Variants in COX7A2 observed in about 807,000 individuals in gnomAD.
COX7A2 encodes the protein cytochrome c oxidase subunit 7A2.
A neutral mutation model predicts 11.6 loss-of-function variants in COX7A2; 11 were observed. That is an observed-to-expected ratio of 0.95 (90% CI 0.60 to 1.57). The LOEUF (loss-of-function observed/expected upper bound fraction) is 1.57. Ranked by LOEUF, COX7A2 falls within the 40% of genes most tolerant of loss-of-function variation. The pLI, the probability that COX7A2 is intolerant of heterozygous loss-of-function variation, is 0.00. For missense variants in COX7A2, 106 were observed against 100.9 expected (o/e 1.05, Z -0.22); for synonymous variants, 30 against 38.2 (o/e 0.78, Z 0.79).
At chr6:75,245,490 C>CAAAAAA (rs11446150), upstream of COX7A2, among the ~76,000 whole-genome samples, 1 of 132,578 alleles carries the variant, frequency 7.5e-6, no homozygotes, top group Non-Finnish European at 1.6e-5. Context: ...GACTTCATAT[C>CAAAAAA]AAAAAAAAAA....
At chr6:75,243,178 AG>A (rs1383169140) in intron 1 of COX7A2, among the ~76,000 whole-genome samples, 1 of 152,162 alleles carries the variant, frequency 6.6e-6, no homozygotes, top group Non-Finnish European at 1.5e-5. Context: ...AAGTCGATGG[AG>A]GGGTGAAGGA....
intron 1 of COX7A2, among the ~76,000 whole-genome samples, chr6:75,249,028 C>T (rs888571279): frequency 6.6e-6 from 1 of 152,086 alleles, no homozygotes; most frequent in South Asian, 2.1e-4. Context: ...GAGGCCGAGG[C>T]GGGCAGATCA....
chr6:75,241,845 G>C (rs1240149291), intron 1 of COX7A2: 2 of 153,562 alleles, frequency 1.3e-5, no homozygotes, highest in African/African-American at 4.8e-5. Context: ...TACTTGGGAG[G>C]CTGAGGCAGG....
At chr6:75,248,667 C>G (rs1275386860), upstream of COX7A2, among the ~76,000 whole-genome samples, 1 of 152,076 alleles carries the variant, frequency 6.6e-6, no homozygotes, top group African/African-American at 2.4e-5. Context: ...ATATTTGGCT[C>G]AGAATAAATC....
At chr6:75,248,651 T>C (rs2149515067), upstream of COX7A2, among the ~76,000 whole-genome samples, 1 of 152,358 alleles carries the variant, frequency 6.6e-6, no homozygotes, top group Admixed American at 6.5e-5. Flanking sequence ...GAGGGCTGTG[T>C]CACTCATATT....
chr6:75,241,655 T>C (rs916841320), intron 1 of COX7A2, among the ~76,000 whole-genome samples: 1 of 152,064 alleles, frequency 6.6e-6, no homozygotes, highest in Non-Finnish European at 1.5e-5. Context: ...TGCCATATCA[T>C]CAAAAACCTG....
intron 3 of COX7A2, among the ~76,000 whole-genome samples, chr6:75,239,695 G>A (rs1042455249): frequency 3.3e-5 from 5 of 152,174 alleles, no homozygotes; most frequent in Non-Finnish European, 5.9e-5. Context: ...TGTAAGAGGT[G>A]GGATATAATG....
At position 75,249,235 on chromosome 6, in the gene COX7A2, C is replaced by CA. The variant is rs1428672702; in HGVS notation, c.-44+820dup. On this transcript the variant is annotated intron_variant, in intron 1 of 4. Transcript: ENST00000370081. ...CTGGTGACAGAGTGAGACTCCGTCT[C>CA]AAAAAACAAAAGACAATTTTGGCAA... Among the ~76,000 whole-genome samples the CA allele has an allele frequency of 5.3e-5, 8 of 152,176 alleles. No individual in the cohort carries two copies. In the South Asian group the frequency reaches 1.5e-3, roughly 28 times the overall value.
At chr6:75,241,015 A>C in intron 2 of COX7A2, 161 bp downstream of exon 2, 1 of 846,182 alleles carries the variant, frequency 1.2e-6, no homozygotes, top group South Asian at 3.4e-5. Flanking sequence ...TCTTTCCCCA[A>C]GAGACAACCA....
At chr6:75,244,068 G>T, upstream of COX7A2, 1 of 375,524 alleles carries the variant, frequency 2.7e-6, no homozygotes, top group Non-Finnish European at 5.0e-6. Flanking sequence ...GTCAATGTGA[G>T]ACCAGGCTAT....
intron 3 of COX7A2, among the ~76,000 whole-genome samples, chr6:75,239,070 C>T (rs1227210167): frequency 6.6e-6 from 1 of 152,202 alleles, no homozygotes; most frequent in Admixed American, 6.5e-5. Flanking sequence ...CAGCCTCAGC[C>T]TCCCAAAGTG....
At chr6:75,250,048 T>C (rs936257188) in intron 1 of COX7A2, 2 of 152,072 alleles carry the variant, frequency 1.3e-5, no homozygotes, top group African/African-American at 2.4e-5. Flanking sequence ...CTAGGGTTTC[T>C]GGCTTACCTC....
upstream of COX7A2, chr6:75,244,128 C>T: frequency 4.1e-6 from 1 of 244,846 alleles, no homozygotes; most frequent in South Asian, 5.1e-5. Flanking sequence ...AACTGGGCAA[C>T]CTTGAAGCCG....
upstream of COX7A2, among the ~76,000 whole-genome samples, chr6:75,248,681 T>TAA (rs1771729903): frequency 6.7e-6 from 1 of 148,708 alleles, no homozygotes; most frequent in African/African-American, 2.5e-5. Context: ...ATAAATCTCT[T>TAA]AAAATATTTT....
upstream of COX7A2, among the ~76,000 whole-genome samples, chr6:75,246,103 AGATT>A (rs1771676261): frequency 6.6e-6 from 1 of 152,184 alleles, no homozygotes; most frequent in Non-Finnish European, 1.5e-5. Context: ...CACTTCCTGT[AGATT>A]GTATGAAGAA....
intron 1 of COX7A2, among the ~76,000 whole-genome samples, chr6:75,242,265 G>A (rs1365244448): frequency 6.6e-6 from 1 of 152,064 alleles, no homozygotes; most frequent in Non-Finnish European, 1.5e-5. Context: ...AGTACTTTGG[G>A]AGGCCAAGGT....
intron 1 of COX7A2, among the ~76,000 whole-genome samples, chr6:75,243,299 A>C (rs1182942579): frequency 6.6e-6 from 1 of 152,196 alleles, no homozygotes; most frequent in African/African-American, 2.4e-5. Flanking sequence ...TCAAGCTCGC[A>C]AAGCTCAAAA....
chr6:75,247,679 A>T (rs1025140574), upstream of COX7A2, among the ~76,000 whole-genome samples: 3 of 151,696 alleles, frequency 2.0e-5, no homozygotes, highest in African/African-American at 7.3e-5. Context: ...ATGAATGAGG[A>T]CTAATCTCTG....
At chr6:75,247,052 A>G (rs947773208), upstream of COX7A2, among the ~76,000 whole-genome samples, 1 of 152,216 alleles carries the variant, frequency 6.6e-6, no homozygotes, top group Non-Finnish European at 1.5e-5. Flanking sequence ...ACAGTATAAC[A>G]AAATTGGCAG....
Sources: gnomAD v4.1 joint callset for allele counts (sites outside exome capture counted in the v4.1 genomes callset) on GRCh38, gnomAD v4.1.1 for gene constraint, MANE v1.5 for transcripts, NCBI Gene and HGNC (gene_info 2026-07-23, HGNC 2026-07-21) for gene names.